The following AGBL4 variants were observed in gnomAD, a reference collection of about 807,000 sequenced individuals.
The protein encoded by AGBL4 is AGBL carboxypeptidase 4, also known as cytosolic carboxypeptidase 6.
A neutral mutation model predicts 66.4 loss-of-function variants in AGBL4; 58 were observed. The ratio of observed to expected loss-of-function variants is 0.87; its 90% CI spans 0.71 to 1.09. The LOEUF (loss-of-function observed/expected upper bound fraction) is 1.09, where lower values mean the gene tolerates loss of function less well. Ranked by LOEUF, AGBL4 falls within the 50% of genes least tolerant of loss-of-function variation. AGBL4 has a pLI of 0.00. For synonymous variants in AGBL4, 234 were observed against 222.9 expected (o/e 1.05, Z -0.44); for missense variants, 579 against 631.0 (o/e 0.92, Z 0.88).
intron 4 of AGBL4, among the ~76,000 whole-genome samples, chr1:49,182,931 GA>G (rs1456393031): frequency 6.6e-6 from 1 of 152,140 alleles, no homozygotes; most frequent in Non-Finnish European, 1.5e-5. Flanking sequence ...TTTGGGGTTT[GA>G]ATGATGCCAT....
At chr1:49,019,163 C>T (rs1415506355) in intron 5 of AGBL4, among the ~76,000 whole-genome samples, 1 of 151,944 alleles carries the variant, frequency 6.6e-6, no homozygotes, top group Non-Finnish European at 1.5e-5. Flanking sequence ...TCTGTAGAGC[C>T]TGAATAACCA....
At chr1:49,973,622 T>C (rs1658318161) in intron 1 of AGBL4, among the ~76,000 whole-genome samples, 1 of 148,456 alleles carries the variant, frequency 6.7e-6, no homozygotes. Context: ...TTATCTATTA[T>C]ACATATATAT....
At chr1:49,821,492 T>C (rs1191039899) in intron 2 of AGBL4, among the ~76,000 whole-genome samples, 3 of 152,208 alleles carry the variant, frequency 2.0e-5, no homozygotes, top group African/African-American at 7.2e-5. Context: ...TTACCTTAAC[T>C]ACCTAAAAGT....
intron 2 of AGBL4, among the ~76,000 whole-genome samples, chr1:49,833,086 G>A (rs1179366672): frequency 1.3e-5 from 2 of 152,012 alleles, no homozygotes; most frequent in South Asian, 2.1e-4. Flanking sequence ...TGTCCTGAAT[G>A]GTAATGCCTA....
chr1:49,070,480 T>C (rs1281680060), intron 4 of AGBL4, among the ~76,000 whole-genome samples: 1 of 152,000 alleles, frequency 6.6e-6, no homozygotes, highest in Non-Finnish European at 1.5e-5. Context: ...TCTGCATCTA[T>C]TGAGCTAATC....
chr1:48,894,211 A>G (rs2148860425), intron 5 of AGBL4, among the ~76,000 whole-genome samples: 1 of 152,372 alleles, frequency 6.6e-6, no homozygotes, highest in Non-Finnish European at 1.5e-5. Context: ...ATCAAAGCAC[A>G]TTAAGAAAGA....
intron 4 of AGBL4, among the ~76,000 whole-genome samples, chr1:49,104,768 G>A (rs1300311040): frequency 6.6e-6 from 1 of 152,140 alleles, no homozygotes; most frequent in Non-Finnish European, 1.5e-5. Context: ...CGGGCTCCAG[G>A]AGGCACTATA....
chr1:48,690,119 G>C (rs1317248488), intron 6 of AGBL4, among the ~76,000 whole-genome samples: 5 of 152,254 alleles, frequency 3.3e-5, no homozygotes, highest in African/African-American at 1.2e-4. Context: ...CATGGCCCAG[G>C]CCTGGTTCTC....
chr1:49,659,748 T>C (rs901664385), intron 3 of AGBL4, among the ~76,000 whole-genome samples: 30 of 152,276 alleles, frequency 2.0e-4, no homozygotes, highest in African/African-American at 7.0e-4. Context: ...AGACTTGAAC[T>C]CAGCTCTGGA....
At chr1:49,261,409 C>T (rs957266480) in intron 3 of AGBL4, among the ~76,000 whole-genome samples, 3 of 152,060 alleles carry the variant, frequency 2.0e-5, no homozygotes, top group African/African-American at 7.2e-5. Flanking sequence ...TCTAGAAGAC[C>T]CCATTGGCTC....
intron 3 of AGBL4, among the ~76,000 whole-genome samples, chr1:49,261,412 A>G (rs539847317): frequency 6.6e-6 from 1 of 152,190 alleles, no homozygotes; most frequent in Admixed American, 6.5e-5. Flanking sequence ...AGAAGACCCC[A>G]TTGGCTCAGC....
chr1:49,519,727 T>C (rs1391548408), intron 3 of AGBL4, among the ~76,000 whole-genome samples: 1 of 151,976 alleles, frequency 6.6e-6, no homozygotes. Flanking sequence ...CCCCAAAATA[T>C]TTTGCCATGG....
chr1:49,673,118 A>G (rs1177788679), intron 3 of AGBL4, among the ~76,000 whole-genome samples: 2 of 152,154 alleles, frequency 1.3e-5, no homozygotes, highest in African/African-American at 4.8e-5. Context: ...TTAGTTTCAC[A>G]TCTATAGGAT....
chr1:49,915,214 C>G (rs1215999484), intron 1 of AGBL4, among the ~76,000 whole-genome samples: 1 of 152,128 alleles, frequency 6.6e-6, no homozygotes, highest in Non-Finnish European at 1.5e-5. Flanking sequence ...GTTCATCTCA[C>G]TGGGGCATGT....
intron 4 of AGBL4, among the ~76,000 whole-genome samples, chr1:49,177,604 C>T (rs184574308): frequency 1.1e-4 from 17 of 152,172 alleles, no homozygotes; most frequent in African/African-American, 4.1e-4. Context: ...CAGTGCCCAG[C>T]GTGAAGCTCT....
intron 6 of AGBL4, among the ~76,000 whole-genome samples, chr1:48,852,116 A>T (rs1647049010): frequency 6.6e-6 from 1 of 150,836 alleles, no homozygotes; most frequent in African/African-American, 2.5e-5. Flanking sequence ...TTTAGGGATG[A>T]AAGACTTGAA....
intron 5 of AGBL4, among the ~76,000 whole-genome samples, chr1:49,024,858 G>A (rs1663527719): frequency 6.6e-6 from 1 of 152,122 alleles, no homozygotes; most frequent in Non-Finnish European, 1.5e-5. Flanking sequence ...AAGTCACAAT[G>A]TCTAGTTTGC....
At chr1:49,549,185 T>A (rs994248988) in intron 3 of AGBL4, among the ~76,000 whole-genome samples, 2 of 152,144 alleles carry the variant, frequency 1.3e-5, no homozygotes, top group Non-Finnish European at 2.9e-5. Context: ...TTCTCTCTTT[T>A]CTTGGTTAAT....
At chr1:48,532,717 T>C (rs1009371603), downstream of AGBL4, 2 of 152,208 alleles carry the variant, frequency 1.3e-5, no homozygotes, top group Admixed American at 6.5e-5. Flanking sequence ...AAGACTTGAC[T>C]GTTGTCCCTT....
Sources: allele counts gnomAD v4.1 joint callset (sites outside exome capture counted in the v4.1 genomes callset), GRCh38; gene constraint gnomAD v4.1.1; transcripts MANE v1.5; gene names NCBI Gene and HGNC (gene_info 2026-07-23, HGNC 2026-07-21).